The following LTBP1 variants were observed in gnomAD, a reference collection of about 807,000 sequenced individuals.
LTBP1 encodes the protein latent transforming growth factor beta binding protein 1.
In LTBP1, 129 loss-of-function variants were observed where a neutral mutation model predicts 207.6. The observed-to-expected ratio is 0.62, with a 90% confidence interval of 0.54 to 0.72. The LOEUF is 0.72. LTBP1 is among the 30% of genes least tolerant of loss of function. The probability of loss-of-function intolerance (pLI) is 0.00; values close to 1 mark genes in which losing one functional copy is unlikely to be tolerated. For missense variants in LTBP1, 2,281 were observed against 2,217.2 expected (o/e 1.03, Z -0.58); for synonymous variants, 963 against 833.7 (o/e 1.16, Z -2.67).
intron 2 of LTBP1, among the ~76,000 whole-genome samples, chr2:32,983,516 G>A (rs922923572): frequency 6.6e-6 from 1 of 152,112 alleles, no homozygotes; most frequent in Non-Finnish European, 1.5e-5. Context: ...AGGGGCCAGG[G>A]GTGGAATGAT....
At chr2:33,216,768 T>G (rs1400487969) in intron 7 of LTBP1, among the ~76,000 whole-genome samples, 1 of 152,144 alleles carries the variant, frequency 6.6e-6, no homozygotes, top group Non-Finnish European at 1.5e-5. Flanking sequence ...TCTGTTTTCT[T>G]AGGCACTTCC....
chr2:33,302,567 G>A (rs1270977147), intron 22 of LTBP1, among the ~76,000 whole-genome samples: 1 of 152,144 alleles, frequency 6.6e-6, no homozygotes, highest in African/African-American at 2.4e-5. Flanking sequence ...CTTGGCAGAA[G>A]CAGTCACAAG....
intron 3 of LTBP1, among the ~76,000 whole-genome samples, chr2:33,034,661 C>CATAT (rs1189136333): frequency 6.6e-6 from 1 of 152,092 alleles, no homozygotes; most frequent in Non-Finnish European, 1.5e-5. Flanking sequence ...CAGTACACAA[C>CATAT]ATATATAACC....
At chr2:33,295,006 A>G (rs1356600374) in intron 20 of LTBP1, among the ~76,000 whole-genome samples, 5 of 151,720 alleles carry the variant, frequency 3.3e-5, no homozygotes, top group Admixed American at 2.6e-4. Flanking sequence ...TCTTTTTACT[A>G]TTTTTACAGG....
intron 31 of LTBP1, among the ~76,000 whole-genome samples, chr2:33,384,490 T>C (rs1041595873): frequency 7.9e-5 from 12 of 152,130 alleles, no homozygotes; most frequent in African/African-American, 2.7e-4. Flanking sequence ...TTGTATGGGG[T>C]CTCAAATGGG....
At chr2:32,984,164 A>C (rs942140972) in intron 2 of LTBP1, among the ~76,000 whole-genome samples, 1 of 152,248 alleles carries the variant, frequency 6.6e-6, no homozygotes, top group Admixed American at 6.5e-5. Context: ...ATAAGGTGTC[A>C]GGGATAGAGT....
chr2:32,969,110 G>C (rs1680442855), intron 2 of LTBP1, among the ~76,000 whole-genome samples: 1 of 151,674 alleles, frequency 6.6e-6, no homozygotes, highest in Admixed American at 6.6e-5. Context: ...ATTTTTAGTA[G>C]AGATGGGGTT....
chr2:33,264,840 G>A (rs2093130313), intron 15 of LTBP1, among the ~76,000 whole-genome samples: 1 of 152,168 alleles, frequency 6.6e-6, no homozygotes, highest in South Asian at 2.1e-4. Flanking sequence ...GCTTTATTGT[G>A]AGGGATTGGC....
chr2:33,263,114 A>G (rs748491855), intron 14 of LTBP1, among the ~76,000 whole-genome samples, 180 bp from the exon 15 acceptor site: 8 of 152,162 alleles, frequency 5.3e-5, no homozygotes, highest in Non-Finnish European at 1.2e-4. Context: ...TGGCTTCCGC[A>G]TCACTCTCAG....
Position 33,353,859 on chromosome 2 carries a change from C to CATT in LTBP1, c.4000+6349_4000+6350insATT, listed in dbSNP as rs777108878. 1.7e-4 allele frequency among the ~76,000 whole-genome samples: 19 copies of CATT among 113,114 alleles called. 1 individual carries two copies. Among genetic ancestry groups the CATT allele is most frequent in the Non-Finnish European group, 1.6e-4 (8 of 50,666 alleles). The allele number at this position is 113,114 out of a possible 152,430, so 74.2% of individuals were successfully genotyped here. On this transcript the variant is annotated intron_variant, in intron 26 of 33. Coordinates refer to ENST00000404816, the MANE Select transcript of LTBP1 (RefSeq NM_206943.4). ...ACACTACAGGTTTTGTGCATGTACG[C>CATT]CTTTTTTTTTTTTTTTTTGAGACTG...
At chr2:33,224,006 G>A (rs1200440794) in intron 9 of LTBP1, among the ~76,000 whole-genome samples, 1 of 152,222 alleles carries the variant, frequency 6.6e-6, no homozygotes, top group African/African-American at 2.4e-5. Context: ...GTGAAAGGCT[G>A]AGACGTAATT....
intron 3 of LTBP1, among the ~76,000 whole-genome samples, chr2:33,077,316 G>A (rs747799103): frequency 5.3e-5 from 8 of 152,192 alleles, no homozygotes; most frequent in South Asian, 2.1e-4. Context: ...TTGGAAAAGC[G>A]TATAAGTCCG....
intron 18 of LTBP1, among the ~76,000 whole-genome samples, chr2:33,279,681 C>G (rs2093519059): frequency 6.6e-6 from 1 of 152,200 alleles, no homozygotes; most frequent in Non-Finnish European, 1.5e-5. Context: ...CTCACACTCA[C>G]CCCCATTCTT....
intron 5 of LTBP1, among the ~76,000 whole-genome samples, chr2:33,156,959 G>T (rs936803712): frequency 6.6e-6 from 1 of 151,978 alleles, no homozygotes; most frequent in African/African-American, 2.4e-5. Context: ...TTATTATTTC[G>T]GGTTTTCATG....
At chr2:33,061,020 T>C (rs1165055877) in intron 3 of LTBP1, among the ~76,000 whole-genome samples, 1 of 152,182 alleles carries the variant, frequency 6.6e-6, no homozygotes, top group East Asian at 1.9e-4. Context: ...TGGTACTGAA[T>C]TGTAGAAACT....
intron 7 of LTBP1, among the ~76,000 whole-genome samples, chr2:33,189,124 G>C (rs1465601209): frequency 1.3e-5 from 2 of 152,112 alleles, no homozygotes; most frequent in East Asian, 3.9e-4. Flanking sequence ...TATTTACTGT[G>C]TGTCTTTTTA....
At chr2:33,067,385 T>G (rs219085) in intron 3 of LTBP1, among the ~76,000 whole-genome samples, 61,733 of 152,102 alleles carry the variant, frequency 0.41, 14,073 homozygotes, top group East Asian at 0.64. Flanking sequence ...AATATTAAGA[T>G]GCTTTATACA....
chr2:33,207,629 T>C (rs2149220958), intron 7 of LTBP1, among the ~76,000 whole-genome samples: 1 of 152,376 alleles, frequency 6.6e-6, no homozygotes, highest in East Asian at 1.9e-4. Flanking sequence ...TATGAGACAA[T>C]GCCTGTTACC....
At chr2:33,305,380 T>C (rs937924229) in intron 22 of LTBP1, among the ~76,000 whole-genome samples, 4 of 152,086 alleles carry the variant, frequency 2.6e-5, no homozygotes, top group African/African-American at 9.7e-5. Flanking sequence ...TGGCAATAAA[T>C]TTTACAGAGA....
Sources: gnomAD v4.1 joint callset for allele counts (sites outside exome capture counted in the v4.1 genomes callset) on GRCh38, gnomAD v4.1.1 for gene constraint, MANE v1.5 for transcripts, NCBI Gene and HGNC (gene_info 2026-07-23, HGNC 2026-07-21) for gene names.